The following SEMA3E variants were observed in gnomAD, a reference collection of about 807,000 sequenced individuals.
The protein encoded by SEMA3E is semaphorin 3E, also known as semaphorin-3E.
In SEMA3E, 49 loss-of-function variants were observed where a neutral mutation model predicts 93.6. The ratio of observed to expected loss-of-function variants is 0.52; its 90% CI spans 0.42 to 0.66. The LOEUF is 0.66. Ranked by LOEUF, SEMA3E falls within the 30% of genes least tolerant of loss-of-function variation. The pLI is 0.00. For missense variants in SEMA3E, 906 were observed against 964.8 expected (o/e 0.94, Z 0.81); for synonymous variants, 363 against 330.7 (o/e 1.10, Z -1.06).
chr7:83,512,990 C>T (rs770234599), intron 1 of SEMA3E, among the ~76,000 whole-genome samples: 11 of 152,088 alleles, frequency 7.2e-5, no homozygotes, highest in East Asian at 1.9e-4. Flanking sequence ...CTTTGAAACA[C>T]GGATAGTAAA....
chr7:83,593,564 A>G (rs1792806331), intron 1 of SEMA3E, among the ~76,000 whole-genome samples: 1 of 152,048 alleles, frequency 6.6e-6, no homozygotes, highest in South Asian at 2.1e-4. Flanking sequence ...AGAAAGAATA[A>G]GAGATTCTTT....
intron 4 of SEMA3E, among the ~76,000 whole-genome samples, chr7:83,457,294 T>C (rs929074888): frequency 1.1e-4 from 16 of 152,250 alleles, no homozygotes; most frequent in African/African-American, 3.1e-4. Context: ...AATAATTCAG[T>C]CTATTCTGAG....
chr7:83,604,981 A>G (rs1041209391), intron 1 of SEMA3E, among the ~76,000 whole-genome samples: 1 of 152,164 alleles, frequency 6.6e-6, no homozygotes, highest in African/African-American at 2.4e-5. Flanking sequence ...TTTTGGCTGC[A>G]TAGGATTCCA....
intron 1 of SEMA3E, among the ~76,000 whole-genome samples, chr7:83,512,924 T>G (rs887991963): frequency 1.3e-5 from 2 of 152,204 alleles, no homozygotes; most frequent in Non-Finnish European, 2.9e-5. Flanking sequence ...GGTTTTTACA[T>G]AAAGGCTAAA....
chr7:83,469,463 T>G (rs1459106748), intron 2 of SEMA3E, among the ~76,000 whole-genome samples, 161 bp from the exon 3 acceptor site: 1 of 152,030 alleles, frequency 6.6e-6, no homozygotes, highest in Non-Finnish European at 1.5e-5. Context: ...CAGAATTATT[T>G]GCATAATTAA....
At chr7:83,619,924 C>G (rs42016) in intron 1 of SEMA3E, among the ~76,000 whole-genome samples, 1 of 143,884 alleles carries the variant, frequency 7.0e-6, no homozygotes, top group Non-Finnish European at 1.5e-5. Context: ...GATAGATAGA[C>G]AGATAGATAG....
intron 1 of SEMA3E, among the ~76,000 whole-genome samples, chr7:83,586,201 G>T (rs1792623455): frequency 6.6e-6 from 1 of 152,162 alleles, no homozygotes; most frequent in Non-Finnish European, 1.5e-5. Context: ...GGCACAGACT[G>T]AATTACTTGA....
chr7:83,510,527 AC>A (rs1790796673), intron 1 of SEMA3E, among the ~76,000 whole-genome samples: 1 of 152,132 alleles, frequency 6.6e-6, no homozygotes, highest in Non-Finnish European at 1.5e-5. Context: ...GTGCTTCCAA[AC>A]TTTTTCCTTC....
intron 1 of SEMA3E, among the ~76,000 whole-genome samples, chr7:83,518,279 A>G (rs546158850): frequency 6.6e-6 from 1 of 152,252 alleles, no homozygotes; most frequent in East Asian, 1.9e-4. Flanking sequence ...CAGAACATGA[A>G]TTAACGTGTT....
intron 1 of SEMA3E, among the ~76,000 whole-genome samples, chr7:83,556,206 G>A (rs182885219): frequency 6.6e-6 from 1 of 152,222 alleles, no homozygotes; most frequent in East Asian, 1.9e-4. Flanking sequence ...TCCACTGCCT[G>A]CACTTACCTT....
chr7:83,511,566 C>T (rs1048580913), intron 1 of SEMA3E, among the ~76,000 whole-genome samples: 4 of 151,978 alleles, frequency 2.6e-5, no homozygotes, highest in African/African-American at 9.7e-5. Context: ...TGAAGGTTCC[C>T]CTCTATTCTC....
intron 4 of SEMA3E, among the ~76,000 whole-genome samples, chr7:83,444,636 T>A (rs945294081): frequency 6.6e-6 from 1 of 150,402 alleles, no homozygotes; most frequent in Non-Finnish European, 1.5e-5. Flanking sequence ...CCTGCAATCA[T>A]CAACATTTAA....
intron 4 of SEMA3E, among the ~76,000 whole-genome samples, chr7:83,454,253 G>A (rs1789429027): frequency 4.3e-5 from 1 of 23,164 alleles, no homozygotes; most frequent in Admixed American, 9.2e-4. Context: ...GCAAGACTCC[G>A]ACTCAAAAAA....
intron 4 of SEMA3E, among the ~76,000 whole-genome samples, chr7:83,438,855 G>A (rs1789054846): frequency 6.6e-6 from 1 of 152,036 alleles, no homozygotes. Context: ...CTGAAGGATG[G>A]AGGTAATTAT....
intron 4 of SEMA3E, among the ~76,000 whole-genome samples, chr7:83,447,696 A>G (rs951971999): frequency 3.5e-4 from 54 of 152,246 alleles, no homozygotes; most frequent in African/African-American, 1.3e-3. Context: ...CATTGGAGGC[A>G]TATCTCTCCA....
At chr7:83,415,440 T>C (rs1162663105) in intron 5 of SEMA3E, among the ~76,000 whole-genome samples, 1 of 152,140 alleles carries the variant, frequency 6.6e-6, no homozygotes, top group Admixed American at 6.6e-5. Flanking sequence ...GATTAGTTTC[T>C]GAATATATAT....
chr7:83,624,705 CT>C (rs1277913373), intron 1 of SEMA3E, among the ~76,000 whole-genome samples: 1 of 152,108 alleles, frequency 6.6e-6, no homozygotes, highest in African/African-American at 2.4e-5. Flanking sequence ...GTTTATTTTG[CT>C]GTGCAGAAGC....
chr7:83,417,045 G>A (rs1341696008), intron 5 of SEMA3E, among the ~76,000 whole-genome samples: 1 of 150,318 alleles, frequency 6.7e-6, no homozygotes, highest in African/African-American at 2.4e-5. Context: ...AGAATTGGTA[G>A]AGAAACTCAA....
intron 2 of SEMA3E, among the ~76,000 whole-genome samples, chr7:83,486,649 C>A (rs994623711): frequency 3.9e-5 from 6 of 152,008 alleles, no homozygotes; most frequent in Non-Finnish European, 7.4e-5. Flanking sequence ...GAATTTATTG[C>A]TTATCATTCT....
Sources: allele counts gnomAD v4.1 joint callset (sites outside exome capture counted in the v4.1 genomes callset), GRCh38; gene constraint gnomAD v4.1.1; transcripts MANE v1.5; gene names NCBI Gene and HGNC (gene_info 2026-07-23, HGNC 2026-07-21).